Variants in POU2F2 observed in about 807,000 individuals in gnomAD.
The protein encoded by POU2F2 is POU domain, class 2, transcription factor 2.
In POU2F2, 14 loss-of-function variants were observed where a neutral mutation model predicts 63.5. The observed-to-expected ratio is 0.22, with a 90% CI of 0.15 to 0.34. The LOEUF is 0.34. Ranked by LOEUF, POU2F2 falls within the 10% of genes least tolerant of loss-of-function variation. The pLI is 1.00. For missense variants in POU2F2, 607 were observed against 815.2 expected (o/e 0.74, Z 3.11); for synonymous variants, 306 against 348.6 (o/e 0.88, Z 1.36).
At chr19:42,196,336 A>T (rs933855902) in intron 1 of POU2F2, 6 of 152,234 alleles carry the variant, frequency 3.9e-5, no homozygotes, top group Admixed American at 3.3e-4. Flanking sequence ...CATGGGGACA[A>T]TGGCTGCTGA....
intron 2 of POU2F2, among the ~76,000 whole-genome samples, chr19:42,146,682 G>A (rs1002101729): frequency 6.6e-6 from 1 of 152,158 alleles, no homozygotes; most frequent in Non-Finnish European, 1.5e-5. Context: ...ATCTGTGCAA[G>A]ATCCCGGTCT....
intron 2 of POU2F2, among the ~76,000 whole-genome samples, chr19:42,148,070 C>T (rs1437828681): frequency 6.6e-6 from 1 of 151,470 alleles, no homozygotes; most frequent in Non-Finnish European, 1.5e-5. Context: ...GATCTCTTGC[C>T]CCCCTCTTCA....
intron 4 of POU2F2, among the ~76,000 whole-genome samples, chr19:42,118,875 G>A (rs1389057323): frequency 6.6e-6 from 1 of 152,216 alleles, no homozygotes; most frequent in Non-Finnish European, 1.5e-5. Context: ...ATGACACAGT[G>A]TGTTGGCAGG....
intron 11 of POU2F2, 95 bp from the exon 12 acceptor site, chr19:42,093,990 G>T: frequency 1.9e-6 from 2 of 1,029,384 alleles, no homozygotes; most frequent in East Asian, 2.6e-5. Context: ...CCCAGGATGG[G>T]GGCAGGGGGC....
rs73552838 is a variant in POU2F2, at chr19:42,151,058, C to A, written c.-9+9274G>T. ...TGGCCAGGCCTTCCTCCCCTCCCCC[C>A]TACCTGGCCCCCTGCTCACTCCCGG... On this transcript the variant is annotated intron_variant, in intron 2 of 6. Transcript: ENST00000524801. Among the ~76,000 whole-genome samples, 763 of 152,334 alleles carry A rather than the reference C, an allele frequency of 5.0e-3. 7 individuals carry two copies. Among genetic ancestry groups the A allele is most frequent in the African/African-American group, 0.017 (710 of 41,574 alleles).
chr19:42,098,210 C>T (rs1027264965), intron 7 of POU2F2, among the ~76,000 whole-genome samples: 2 of 152,000 alleles, frequency 1.3e-5, no homozygotes, highest in Non-Finnish European at 2.9e-5. Context: ...GTCAGGAGTT[C>T]GAGACCAGCC....
chr19:42,192,571 CTTATT>C (rs1314504743), intron 1 of POU2F2, among the ~76,000 whole-genome samples: 1 of 152,120 alleles, frequency 6.6e-6, no homozygotes, highest in Non-Finnish European at 1.5e-5. Flanking sequence ...AATAATTCTT[CTTATT>C]TTAAGTAACC....
intron 1 of POU2F2, chr19:42,160,465 A>G (rs1249950680): frequency 6.6e-6 from 1 of 152,202 alleles, no homozygotes; most frequent in Non-Finnish European, 1.5e-5. Context: ...GCACTCCTCC[A>G]GTGGAGGAAC....
rs1380156042 is a variant in POU2F2, at chr19:42,154,077, A to AC, written c.-9+6254dup. Among the ~76,000 whole-genome samples the AC allele has an allele frequency of 2.5e-3, 322 of 131,242 alleles. 2 individuals carry two copies. Among genetic ancestry groups the AC allele is most frequent in the Non-Finnish European group, 3.2e-3 (191 of 60,324 alleles). 86.1% of individuals were successfully genotyped at this position (131,242 alleles called of 152,430 possible). On this transcript the variant is annotated intron_variant, in intron 2 of 6. Transcript: ENST00000524801. ...CACCAAGCGACCTCCGTCCCTCCCA[A>AC]CCCCCCCAGCGCCACCCGCTCCCCC...
At chr19:42,180,423 G>A (rs948350106), upstream of POU2F2, among the ~76,000 whole-genome samples, 16 of 152,280 alleles carry the variant, frequency 1.1e-4, no homozygotes, top group Admixed American at 5.9e-4. Flanking sequence ...ATCCATTCTG[G>A]AAGGAGCAAC....
intron 1 of POU2F2, among the ~76,000 whole-genome samples, chr19:42,184,847 T>G (rs190934103): frequency 1.3e-5 from 2 of 152,282 alleles, no homozygotes; most frequent in Admixed American, 1.3e-4. Context: ...TCCCTAAATT[T>G]GTCTCCAGTT....
Position 42,088,375 on chromosome 19 carries a change from T to C in POU2F2, c.*2882A>G, listed in dbSNP as rs564704691. On this transcript the variant is annotated 3_prime_UTR_variant, in exon 15 of 15. Coordinates refer to ENST00000692977, the MANE Select transcript of POU2F2 (RefSeq NM_001394376.1). ...GGGCATCTGCCCCATCCCTGCCCCC[T>C]GCTCCTCCTCTCCTCTTTACCCCAC... 6.6e-6 allele frequency: 1 copy of C among 152,356 alleles called. No homozygotes were observed. Among genetic ancestry groups the C allele is most frequent in the South Asian group, 2.1e-4 (1 of 4,834 alleles). The allele number at this position is 152,356 out of a possible 1,614,324, so 9.4% of individuals were successfully genotyped here.
chr19:42,121,972 G>A, intron 4 of POU2F2, 154 bp downstream of exon 4: 1 of 778,636 alleles, frequency 1.3e-6, no homozygotes, highest in Non-Finnish European at 2.1e-6. Context: ...TCACAGGCCT[G>A]GGGTGGGAGC....
chr19:42,109,184 G>A (rs2030655737), intron 5 of POU2F2, among the ~76,000 whole-genome samples: 1 of 152,204 alleles, frequency 6.6e-6, no homozygotes, highest in African/African-American at 2.4e-5. Context: ...CTGAGGAGGA[G>A]CCCCAGAGCC....
At chr19:42,119,311 A>C (rs1194102547) in intron 4 of POU2F2, among the ~76,000 whole-genome samples, 1 of 152,158 alleles carries the variant, frequency 6.6e-6, no homozygotes, top group Admixed American at 6.5e-5. Context: ...TAAGTTTCTG[A>C]AAGTTCACAG....
chr19:42,148,497 A>G (rs894778597), intron 2 of POU2F2, among the ~76,000 whole-genome samples: 1 of 152,146 alleles, frequency 6.6e-6, no homozygotes, highest in Non-Finnish European at 1.5e-5. Context: ...GGTAGCTGTG[A>G]GGCCAGAGGT....
intron 2 of POU2F2, among the ~76,000 whole-genome samples, chr19:42,144,093 C>T (rs1439919285): frequency 6.6e-6 from 1 of 152,182 alleles, no homozygotes; most frequent in East Asian, 1.9e-4. Context: ...AATCATAATC[C>T]TTGGTTCACA....
chr19:42,105,416 G>A (rs2077299228), intron 5 of POU2F2, among the ~76,000 whole-genome samples: 2 of 152,088 alleles, frequency 1.3e-5, no homozygotes, highest in Admixed American at 1.3e-4. Context: ...TAATGAATAA[G>A]ACTAGAAATC....
At position 42,092,354 on chromosome 19, in the gene POU2F2, T is replaced by A; in HGVS notation, c.1265-84A>T. On this transcript the variant is annotated intron_variant, in intron 12 of 14. Coordinates refer to ENST00000692977, the MANE Select transcript of POU2F2 (RefSeq NM_001394376.1). The surrounding 1 kb of genome is among the most constrained non-coding windows in gnomAD (Gnocchi z 5.0). Reference sequence around the variant, plus strand: ...ACCTGGGGTCAGCTCCTACTTGTCCTCCCGCCCAGCTCACGCAGCATCTCC... The same window carrying A: ...ACCTGGGGTCAGCTCCTACTTGTCCACCCGCCCAGCTCACGCAGCATCTCC... 1 of 1,054,530 alleles carries A rather than the reference T, an allele frequency of 9.5e-7. No homozygotes were observed. Among genetic ancestry groups the A allele is most frequent in the Non-Finnish European group, 1.4e-6 (1 of 696,574 alleles). 65.3% of individuals were successfully genotyped at this position (1,054,530 alleles called of 1,614,324 possible). A position where few individuals can be genotyped will look rare whatever the true frequency, so the allele number is the denominator to read the frequency against.
Sources: allele counts gnomAD v4.1 joint callset (sites outside exome capture counted in the v4.1 genomes callset), GRCh38; gene constraint gnomAD v4.1.1; non-coding constraint Gnocchi (gnomAD v3.1); transcripts MANE v1.5; gene names NCBI Gene and HGNC (gene_info 2026-07-23, HGNC 2026-07-21).